TMEM132D: variants seen among roughly 807,000 people sequenced by gnomAD.
The protein encoded by TMEM132D is mature OL transmembrane protein.
In TMEM132D, 21 loss-of-function variants were observed where a neutral mutation model predicts 62.3. That is an observed-to-expected ratio of 0.34 (90% confidence interval 0.24 to 0.49). The LOEUF (loss-of-function observed/expected upper bound fraction) is 0.49, where lower values mean the gene tolerates loss of function less well. Among genes scored for constraint, TMEM132D ranks in the 20% least tolerant of loss-of-function variants. The pLI, the probability that TMEM132D is intolerant of heterozygous loss-of-function variation, is 0.99. For synonymous variants in TMEM132D, 621 were observed against 575.6 expected (o/e 1.08, Z -1.13); for missense variants, 1,346 against 1,402.8 (o/e 0.96, Z 0.65).
At chr12:129,236,901 T>C (rs1405389466) in intron 4 of TMEM132D, among the ~76,000 whole-genome samples, 1 of 152,196 alleles carries the variant, frequency 6.6e-6, no homozygotes, top group Non-Finnish European at 1.5e-5. Context: ...GTAAATTCCT[T>C]CTATACCTAC....
chr12:129,174,928 T>C (rs747586230), intron 5 of TMEM132D, among the ~76,000 whole-genome samples: 3 of 152,218 alleles, frequency 2.0e-5, no homozygotes, highest in Non-Finnish European at 2.9e-5. Context: ...GGGGGTTGTT[T>C]TTTTCTTCTA....
rs781442243 is a variant in TMEM132D at position 129,700,616 on chromosome 12, G to C, written c.162C>G (p.Asn54Lys). ...PTYLPVTYHI[N>K]NADVSFFLKE... ...TCAGGAAGAAGGAGACGTCCGCGTT[G>C]TTGATGTGGTAGGTCACGGGGAGGT... Residue 54 changes from asparagine to lysine, a missense_variant, in exon 2 of 9, where the codon AAC (asparagine) becomes AAG (lysine). Physicochemically the swap from Asn to Lys is moderately conservative, Grantham distance 94. Coordinates refer to ENST00000422113, the MANE Select transcript of TMEM132D (RefSeq NM_133448.3). 3.1e-6 allele frequency: 5 copies of C among 1,614,050 alleles called. No homozygotes were observed. The South Asian group carries it at 5.5e-5, about 18-fold the overall frequency.
intron 1 of TMEM132D, among the ~76,000 whole-genome samples, chr12:129,743,952 A>G (rs1032490381): frequency 1.3e-5 from 2 of 152,016 alleles, no homozygotes; most frequent in Non-Finnish European, 2.9e-5. Flanking sequence ...CAGAGACAAA[A>G]AAGCGTGTGC....
intron 2 of TMEM132D, among the ~76,000 whole-genome samples, chr12:129,680,696 G>C (rs567272540): frequency 6.6e-6 from 1 of 152,134 alleles, no homozygotes; most frequent in South Asian, 2.1e-4. Flanking sequence ...CTTTAGTATC[G>C]GTAAGTAGTT....
chr12:129,145,346 T>C (rs1271158874), intron 5 of TMEM132D, among the ~76,000 whole-genome samples: 1 of 152,062 alleles, frequency 6.6e-6, no homozygotes, highest in African/African-American at 2.4e-5. Flanking sequence ...GAGTACAGGT[T>C]TTTTACTTGG....
At position 129,163,526 on chromosome 12, in the gene TMEM132D, G is replaced by A. The variant is rs537605006; in HGVS notation, c.1443+45994C>T. Among the ~76,000 whole-genome samples, 5 of 152,306 alleles carry A rather than the reference G, an allele frequency of 3.3e-5. No individual in the cohort carries two copies. In the East Asian group the frequency reaches 7.7e-4, roughly 24 times the overall value. ...GACAGGATCAGAGGAGGACAGAAAG[G>A]CTGGTGTGTTTGCTGCTTCCCCTTC... On this transcript the variant is annotated intron_variant, in intron 5 of 8. Transcript: ENST00000422113.
intron 3 of TMEM132D, among the ~76,000 whole-genome samples, chr12:129,452,003 T>C (rs1166673852): frequency 6.6e-6 from 1 of 152,204 alleles, no homozygotes; most frequent in Non-Finnish European, 1.5e-5. Flanking sequence ...AAGCCCAGGA[T>C]ACACAGGACA....
chr12:129,089,706 G>T (rs1242873002), intron 5 of TMEM132D, among the ~76,000 whole-genome samples: 1 of 152,224 alleles, frequency 6.6e-6, no homozygotes, highest in Admixed American at 6.5e-5. Flanking sequence ...GTTGGAGGCT[G>T]AACGCGCTTC....
At chr12:129,607,871 T>A (rs1878671009) in intron 2 of TMEM132D, among the ~76,000 whole-genome samples, 1 of 152,296 alleles carries the variant, frequency 6.6e-6, no homozygotes, top group Middle Eastern at 3.4e-3. Flanking sequence ...AGCTTTTAAT[T>A]CCACCCATCA....
intron 5 of TMEM132D, among the ~76,000 whole-genome samples, chr12:129,192,345 A>G (rs988877417): frequency 4.6e-5 from 7 of 152,206 alleles, no homozygotes; most frequent in Non-Finnish European, 1.0e-4. Context: ...TATCATCACT[A>G]GTTTTACTTA....
chr12:129,135,132 A>G (rs1001059082), intron 5 of TMEM132D, among the ~76,000 whole-genome samples: 3 of 152,218 alleles, frequency 2.0e-5, no homozygotes, highest in Non-Finnish European at 4.4e-5. Context: ...GACAGAGAGT[A>G]TGTCAAGATG....
intron 1 of TMEM132D, among the ~76,000 whole-genome samples, chr12:129,803,437 C>T (rs1317753254): frequency 6.6e-6 from 1 of 152,054 alleles, no homozygotes; most frequent in African/African-American, 2.4e-5. Flanking sequence ...TCCTGAATGA[C>T]TACTGGGTAC....
intron 1 of TMEM132D, among the ~76,000 whole-genome samples, chr12:129,782,403 A>AC (rs1871144742): frequency 1.3e-5 from 2 of 152,300 alleles, no homozygotes; most frequent in South Asian, 4.1e-4. Context: ...GATCTTAGAC[A>AC]AGTTGATTTA....
chr12:129,360,814 G>A lies in TMEM132D; in HGVS notation c.1116-22997C>T, dbSNP rs542694320. 5.0e-4 allele frequency among the ~76,000 whole-genome samples: 76 copies of A among 152,272 alleles called. 1 individual carries two copies. The highest frequency in any genetic ancestry group is 9.0e-4 in the Non-Finnish European group (61 of 68,020). ...GCCATTCCTGACCCTTTTCCTGGACGTCTCCCACTGTGCAATGGCGGCTTT... is the reference window on the plus strand; with the variant it reads ...GCCATTCCTGACCCTTTTCCTGGACATCTCCCACTGTGCAATGGCGGCTTT... On this transcript the variant is annotated intron_variant, in intron 3 of 8. Coordinates refer to ENST00000422113, the MANE Select transcript of TMEM132D (RefSeq NM_133448.3).
intron 5 of TMEM132D, among the ~76,000 whole-genome samples, chr12:129,192,124 G>C (rs1279379592): frequency 6.6e-6 from 1 of 152,140 alleles, no homozygotes; most frequent in African/African-American, 2.4e-5. Flanking sequence ...TCTTACTCTT[G>C]GCTGGACCTC....
At chr12:129,825,125 C>T (rs111862613) in intron 1 of TMEM132D, among the ~76,000 whole-genome samples, 26,833 of 151,554 alleles carry the variant, frequency 0.18, 2,582 homozygotes, top group Admixed American at 0.27. Flanking sequence ...GCTATTCTCC[C>T]GTCTCGGCCT....
intron 2 of TMEM132D, among the ~76,000 whole-genome samples, chr12:129,668,665 A>G (rs968785477): frequency 2.0e-5 from 3 of 152,206 alleles, no homozygotes; most frequent in African/African-American, 7.2e-5. Context: ...AATTTGAAGC[A>G]TATTTGTTCC....
At chr12:129,876,571 G>A (rs533343559) in intron 1 of TMEM132D, among the ~76,000 whole-genome samples, 5 of 152,256 alleles carry the variant, frequency 3.3e-5, no homozygotes, top group Admixed American at 2.6e-4. Context: ...AGAATTTATT[G>A]GCTCATGTAA....
intron 2 of TMEM132D, among the ~76,000 whole-genome samples, chr12:129,533,139 G>A (rs1876277019): frequency 6.6e-6 from 1 of 152,170 alleles, no homozygotes; most frequent in African/African-American, 2.4e-5. Flanking sequence ...AGCATTTTTA[G>A]AAAATGATCA....
Sources: gnomAD v4.1 joint callset for allele counts (sites outside exome capture counted in the v4.1 genomes callset) on GRCh38, gnomAD v4.1.1 for gene constraint, MANE v1.5 for transcripts, NCBI Gene and HGNC (gene_info 2026-07-23, HGNC 2026-07-21) for gene names.